Variants in IPMK observed in about 807,000 individuals in gnomAD.
IPMK encodes inositol polyphosphate multikinase.
In IPMK, 17 loss-of-function variants were observed where a neutral mutation model predicts 45.8. The observed-to-expected ratio is 0.37, with a 90% confidence interval of 0.25 to 0.56. The LOEUF (loss-of-function observed/expected upper bound fraction) is 0.56, where lower values mean the gene tolerates loss of function less well. Among genes scored for constraint, IPMK ranks in the 20% least tolerant of loss-of-function variants. The probability of loss-of-function intolerance (pLI) is 0.79; values close to 1 mark genes in which losing one functional copy is unlikely to be tolerated. For synonymous variants in IPMK, 180 were observed against 184.3 expected (o/e 0.98, Z 0.19); for missense variants, 399 against 498.0 (o/e 0.80, Z 1.89).
At chr10:58,234,827 A>G (rs1588963776) in intron 2 of IPMK, among the ~76,000 whole-genome samples, 1 of 152,368 alleles carries the variant, frequency 6.6e-6, no homozygotes, top group East Asian at 1.9e-4. Context: ...GGATCTAATT[A>G]AACTGAAGAG....
intron 4 of IPMK, among the ~76,000 whole-genome samples, chr10:58,206,273 G>C (rs1366398017): frequency 6.6e-6 from 1 of 152,148 alleles, no homozygotes; most frequent in Non-Finnish European, 1.5e-5. Context: ...ATAGAAAATA[G>C]ATTAGTGGTT....
rs1464675420 is a variant in IPMK, at chr10:58,199,321, C to A, written c.547G>T (p.Val183Phe). The change falls in exon 5 of 6, where the codon GTT becomes TTT. Residue 183 changes from valine to phenylalanine, a missense_variant and splice_region_variant. Val to Phe is a conservative substitution (Grantham distance 50, BLOSUM62 -1). Around this residue, in one of 2 missense-constraint regions of IPMK, gnomAD observed 288 missense variants for 398.0 expected, o/e 0.72. Transcript: ENST00000373935. The stretch of plus-strand genomic sequence containing the variant: ...TAGCTATCGGAATGAACATGATAAA[C>A]CTGTCAAAAAAAGCAGTGAATATTA... ...EIGFLVLGMR[V>F]YHVHSDSYET... 2 of 1,596,762 alleles carry A rather than the reference C, an allele frequency of 1.3e-6. No individual in the cohort carries two copies.
intron 3 of IPMK, among the ~76,000 whole-genome samples, chr10:58,218,068 C>A (rs1340208925): frequency 1.3e-5 from 2 of 152,130 alleles, no homozygotes; most frequent in African/African-American, 4.8e-5. Context: ...ACTTTTTATG[C>A]TTTAGTCAAA....
chr10:58,252,864 G>A (rs1313398513), intron 1 of IPMK, among the ~76,000 whole-genome samples: 1 of 151,922 alleles, frequency 6.6e-6, no homozygotes, highest in Non-Finnish European at 1.5e-5. Context: ...CACCCACCTC[G>A]ACCTCCCATA....
rs377650602 is a variant in IPMK at position 58,240,209 on chromosome 10, CA to C, written c.191-2396del. 5.4e-4 allele frequency among the ~76,000 whole-genome samples: 80 copies of C among 149,242 alleles called. No individual in the cohort carries two copies. The East Asian group carries it at 0.012, about 23-fold the overall frequency. On this transcript the variant is annotated intron_variant, in intron 1 of 5. Coordinates refer to ENST00000373935, the MANE Select transcript of IPMK (RefSeq NM_152230.5). Reference sequence around the variant, plus strand: ...ATTAGGTATTTCAGGAGATAAACTACAAAAAAAAACTCTAAAACTGAAAAGG... The same window carrying C: ...ATTAGGTATTTCAGGAGATAAACTACAAAAAAAACTCTAAAACTGAAAAGG...
At position 58,192,293 on chromosome 10, in the gene IPMK, A is replaced by C. The variant is rs1837829471; in HGVS notation, c.*3783T>G. 6.6e-6 allele frequency: 1 copy of C among 152,040 alleles called. No individual in the cohort carries two copies. Among genetic ancestry groups the C allele is most frequent in the African/African-American group, 2.4e-5 (1 of 41,450 alleles). The allele number at this position is 152,040 out of a possible 1,614,324, so 9.4% of individuals were successfully genotyped here. ...ACTAAATTGTAAAATACAGTAAAGAAGATGCAGCTCATTTGCTTGGGAATA... is the reference window on the plus strand; with the variant it reads ...ACTAAATTGTAAAATACAGTAAAGACGATGCAGCTCATTTGCTTGGGAATA... On this transcript the variant is annotated 3_prime_UTR_variant, in exon 6 of 6. Transcript: ENST00000373935.
chr10:58,246,012 GACAA>G (rs1393592063), intron 1 of IPMK, among the ~76,000 whole-genome samples: 2 of 132,334 alleles, frequency 1.5e-5, no homozygotes, highest in Admixed American at 7.0e-5. Context: ...ACCAACAACA[GACAA>G]ACAGAGAGCC....
chr10:58,266,886 C>A (rs1178300218), intron 1 of IPMK, among the ~76,000 whole-genome samples: 1 of 152,192 alleles, frequency 6.6e-6, no homozygotes, highest in African/African-American at 2.4e-5. Flanking sequence ...AAAACCTCCT[C>A]AAGGGACAGG....
intron 3 of IPMK, among the ~76,000 whole-genome samples, chr10:58,225,452 T>A (rs1045786568): frequency 5.3e-5 from 8 of 152,136 alleles, no homozygotes; most frequent in African/African-American, 1.9e-4. Context: ...ACCAAAAAGG[T>A]TGATTACTAG....
At chr10:58,260,590 C>A (rs1335731599) in intron 1 of IPMK, among the ~76,000 whole-genome samples, 4 of 151,960 alleles carry the variant, frequency 2.6e-5, no homozygotes, top group Admixed American at 2.0e-4. Context: ...ATTGATAAAT[C>A]CAGATGAATG....
intron 4 of IPMK, 90 bp from the exon 5 acceptor site, chr10:58,199,411 T>C (rs558376182): frequency 4.4e-5 from 31 of 709,252 alleles, no homozygotes; most frequent in Non-Finnish European, 6.2e-5. Context: ...AGATGAAATC[T>C]ACTCAGGTAA....
chr10:58,224,554 A>T (rs1838385284), intron 3 of IPMK, among the ~76,000 whole-genome samples: 1 of 152,222 alleles, frequency 6.6e-6, no homozygotes, highest in South Asian at 2.1e-4. Flanking sequence ...GTTTTATGGT[A>T]TGTAAATTAT....
chr10:58,211,383 G>A (rs1184240536), intron 4 of IPMK, among the ~76,000 whole-genome samples: 1 of 151,958 alleles, frequency 6.6e-6, no homozygotes, highest in Non-Finnish European at 1.5e-5. Flanking sequence ...ATTAGAGACA[G>A]GGTTTCGTCA....
chr10:58,245,442 T>C (rs1372410974), intron 1 of IPMK, among the ~76,000 whole-genome samples: 1 of 151,696 alleles, frequency 6.6e-6, no homozygotes, highest in Non-Finnish European at 1.5e-5. Context: ...TGGAACCCCG[T>C]CTCTACTGAA....
Position 58,196,435 on chromosome 10 carries a change from A to G in IPMK, c.892T>C (p.Leu298=). ...VLEYNNNFHV[L]SSTANGKIES... ...ATTTTTCCATTAGCTGTGGAACTTA[A>G]CACATGAAAGTTATTATTGTACTCT... is the stretch of plus-strand genomic sequence containing the variant. The change falls in exon 6 of 6, where the codon TTA becomes CTA. Residue 298 remains leucine (L), a synonymous_variant. Transcript: ENST00000373935. The G allele has an allele frequency of 6.2e-7, 1 of 1,614,136 alleles. No individual in the cohort carries two copies. The highest frequency in any genetic ancestry group is 8.5e-7 in the Non-Finnish European group (1 of 1,180,032).
At position 58,267,489 on chromosome 10, in the gene IPMK, G is replaced by C. The variant is rs1292739581; in HGVS notation, c.123C>G (p.Arg41=). 6.2e-7 allele frequency: 1 copy of C among 1,613,710 alleles called. No homozygotes were observed. The highest frequency in any genetic ancestry group is 8.5e-7 in the Non-Finnish European group (1 of 1,179,892). Residue 41 remains arginine (R), a synonymous_variant, in exon 1 of 6, where the codon CGC becomes CGG. Coordinates refer to ENST00000373935, the MANE Select transcript of IPMK (RefSeq NM_152230.5). ...GTPQPAGGRL[R]FLNGCVPLSH... ...AGAGGGGCACGCAGCCGTTGAGGAA[G>C]CGGAGTCTGCCGCCCGCCGGCTGCG...
chr10:58,250,730 A>G (rs1001036315), intron 1 of IPMK, among the ~76,000 whole-genome samples: 3 of 152,180 alleles, frequency 2.0e-5, no homozygotes, highest in African/African-American at 4.8e-5. Context: ...GGAGTAGTGA[A>G]AATGAGCATC....
intron 4 of IPMK, among the ~76,000 whole-genome samples, chr10:58,199,533 T>C (rs1837967291): frequency 6.6e-6 from 1 of 152,140 alleles, no homozygotes; most frequent in Non-Finnish European, 1.5e-5. Context: ...CTCTGTAATA[T>C]AAGGATAGAT....
At chr10:58,221,418 TAGTAAAGATTACTAC>T (rs71685691) in intron 3 of IPMK, among the ~76,000 whole-genome samples, 3,327 of 152,080 alleles carry the variant, frequency 0.022, 134 homozygotes, top group African/African-American at 0.075. Context: ...AGGTTATAGA[TAGTAAAGATTACTAC>T]AGTAAAGATT....
Sources: gnomAD v4.1 joint callset for allele counts (sites outside exome capture counted in the v4.1 genomes callset) on GRCh38, gnomAD v4.1.1 for gene constraint, gnomAD v4.1.1 regional missense constraint, MANE v1.5 for transcripts, NCBI Gene and HGNC (gene_info 2026-07-23, HGNC 2026-07-21) for gene names.